The following L2HGDH variants were observed in gnomAD, a reference collection of about 807,000 sequenced individuals.
The protein encoded by L2HGDH is L-2-hydroxyglutarate dehydrogenase.
A neutral mutation model predicts 51.5 loss-of-function variants in L2HGDH; 34 were observed. That is an observed-to-expected ratio of 0.66 (90% confidence interval 0.50 to 0.88). L2HGDH has a LOEUF of 0.88. L2HGDH is among the 40% of genes least tolerant of loss of function. The probability of loss-of-function intolerance (pLI) is 0.00; values close to 1 mark genes in which losing one functional copy is unlikely to be tolerated. For missense variants in L2HGDH, 558 were observed against 571.9 expected, an observed-to-expected ratio of 0.98 and a Z score of 0.25; for synonymous variants, 198 against 197.9, an observed-to-expected ratio of 1.00 and a Z score of -0.01.
chr14:50,265,885 G>T (rs1195674288), intron 8 of L2HGDH, among the ~76,000 whole-genome samples: 1 of 152,178 alleles, frequency 6.6e-6, no homozygotes, highest in African/African-American at 2.4e-5. Flanking sequence ...CTGCACTCCA[G>T]CCTGGGCGAC....
At chr14:50,286,156 A>T (rs1890551900) in intron 4 of L2HGDH, among the ~76,000 whole-genome samples, 1 of 152,118 alleles carries the variant, frequency 6.6e-6, no homozygotes, top group Non-Finnish European at 1.5e-5. Flanking sequence ...GGACAGGGAA[A>T]ATTGAGAGTA....
At chr14:50,306,291 C>T (rs983083476) in intron 1 of L2HGDH, among the ~76,000 whole-genome samples, 6 of 152,096 alleles carry the variant, frequency 3.9e-5, no homozygotes, top group East Asian at 1.9e-4. Context: ...CCTCGTGATC[C>T]GCCCACCTCA....
At chr14:50,255,542 A>AG (rs1174733511) in intron 9 of L2HGDH, among the ~76,000 whole-genome samples, 1 of 150,510 alleles carries the variant, frequency 6.6e-6, no homozygotes, top group Admixed American at 6.6e-5. Flanking sequence ...ATCTCCAAAA[A>AG]AAAAAAAAAA....
intron 1 of L2HGDH, among the ~76,000 whole-genome samples, chr14:50,305,173 G>A (rs532917538): frequency 4.6e-5 from 7 of 152,154 alleles, no homozygotes; most frequent in Admixed American, 4.6e-4. Context: ...AGTGGATAAA[G>A]TTCCCTCTGT....
At chr14:50,298,636 C>A (rs1328026069) in intron 3 of L2HGDH, among the ~76,000 whole-genome samples, 1 of 152,096 alleles carries the variant, frequency 6.6e-6, no homozygotes, top group African/African-American at 2.4e-5. Flanking sequence ...CTGCAGTGAT[C>A]TGTGAGATAG....
At position 50,265,428 on chromosome 14, in the gene L2HGDH, A is replaced by G. The variant is rs764123304; in HGVS notation, c.1126T>C (p.Cys376Arg). ...TACTTCACTGTTGCACCAAGAAAAC[A>G]TGCTTTATACATTTCAGTAACTCCA... ...SYGVTEMYKA[C>R]FLGATVKYLQ... Residue 376 changes from cysteine (C) to arginine (R), a missense_variant, in exon 9 of 10, where the codon TGT (cysteine) becomes CGT (arginine). Physicochemically the swap from Cys to Arg is radical, Grantham distance 180. This residue lies in a region of L2HGDH where 321 missense variants were observed against 311.8 expected (regional missense o/e 1.03). Transcript: ENST00000267436. 6 of 1,612,752 alleles carry G rather than the reference A, an allele frequency of 3.7e-6. No individual in the cohort carries two copies. The South Asian group carries it at 6.6e-5, about 18-fold the overall frequency.
At chr14:50,265,586 A>G (rs1240392106) in intron 8 of L2HGDH, 97 bp from the exon 9 acceptor site, 1 of 1,139,058 alleles carries the variant, frequency 8.8e-7, no homozygotes, top group African/African-American at 1.6e-5. Context: ...TGTCATCACA[A>G]AAATCTAGGC....
At chr14:50,279,054 G>A (rs1017227001) in intron 5 of L2HGDH, among the ~76,000 whole-genome samples, 12 of 152,112 alleles carry the variant, frequency 7.9e-5, no homozygotes, top group Admixed American at 5.2e-4. Context: ...AGATACATGG[G>A]ATCTCAAAGT....
chr14:50,244,737 C>A lies in L2HGDH; in HGVS notation c.*2321G>T. On this transcript the variant is annotated 3_prime_UTR_variant, in exon 10 of 10. Transcript: ENST00000267436. ...GATGAGGTAGCTCAATCAATGTAAT[C>A]ATCAATGCTTGAAGTGAGGGGAAAA... 1 of 985,390 alleles carries A rather than the reference C, an allele frequency of 1.0e-6. No individual in the cohort carries two copies. Among genetic ancestry groups the A allele is most frequent in the Non-Finnish European group, 1.2e-6 (1 of 829,924 alleles). The allele number at this position is 985,390 out of a possible 1,614,324, so 61.0% of individuals were successfully genotyped here.
At chr14:50,264,748 G>A (rs1889239870) in intron 9 of L2HGDH, among the ~76,000 whole-genome samples, 1 of 152,132 alleles carries the variant, frequency 6.6e-6, no homozygotes, top group South Asian at 2.1e-4. Flanking sequence ...GAGGGAGGAA[G>A]GAGAGAAGCA....
At chr14:50,298,303 G>C (rs1205135728) in intron 3 of L2HGDH, among the ~76,000 whole-genome samples, 1 of 151,170 alleles carries the variant, frequency 6.6e-6, no homozygotes, top group Non-Finnish European at 1.5e-5. Context: ...CATTACTCCA[G>C]AGGTTGAGGT....
At chr14:50,274,858 A>G (rs1889887481) in intron 6 of L2HGDH, among the ~76,000 whole-genome samples, 1 of 151,996 alleles carries the variant, frequency 6.6e-6, no homozygotes. Context: ...GCTAAGTGAA[A>G]TAAGCCAGAC....
chr14:50,308,388 GAAAA>G (rs71118865), intron 1 of L2HGDH, among the ~76,000 whole-genome samples: 47,948 of 131,418 alleles, frequency 0.36, 7,826 homozygotes, highest in East Asian at 0.69. Context: ...CTCCATCTCA[GAAAA>G]AAAAAAAAAA....
intron 4 of L2HGDH, among the ~76,000 whole-genome samples, chr14:50,291,197 C>CAAAAAAAAAAAA (rs1159640500): frequency 2.0e-4 from 6 of 30,648 alleles, no homozygotes; most frequent in African/African-American, 3.4e-4. Context: ...GACTCCGTCT[C>CAAAAAAAAAAAA]AAAAAAAAAA....
intron 3 of L2HGDH, among the ~76,000 whole-genome samples, chr14:50,296,621 G>C (rs2030074972): frequency 7.3e-6 from 1 of 136,892 alleles, no homozygotes; most frequent in Non-Finnish European, 1.6e-5. Context: ...CCCAGGCCCA[G>C]AGGCTTTATT....
chr14:50,276,896 G>T (rs1890006148), intron 6 of L2HGDH, among the ~76,000 whole-genome samples: 1 of 152,096 alleles, frequency 6.6e-6, no homozygotes, highest in African/African-American at 2.4e-5. Flanking sequence ...ACATTTCTTT[G>T]TTTTGGAGGC....
intron 9 of L2HGDH, among the ~76,000 whole-genome samples, chr14:50,261,858 T>C (rs1276365641): frequency 6.6e-6 from 1 of 152,118 alleles, no homozygotes; most frequent in African/African-American, 2.4e-5. Context: ...ATTTAACAGA[T>C]TGTAACTTTA....
chr14:50,273,402 T>C (rs1889805430), intron 6 of L2HGDH, among the ~76,000 whole-genome samples: 1 of 152,174 alleles, frequency 6.6e-6, no homozygotes, highest in South Asian at 2.1e-4. Context: ...GATAGCCCCA[T>C]GCAAAAGAAT....
chr14:50,302,138 A>G lies in L2HGDH; in HGVS notation c.287T>C (p.Val96Ala), dbSNP rs2030448468. 6.2e-7 allele frequency: 1 copy of G among 1,614,034 alleles called. No homozygotes were observed. Among genetic ancestry groups the G allele is most frequent in the African/African-American group, 1.3e-5 (1 of 74,918 alleles). The change falls in exon 3 of 10, where the codon GTC becomes GCC. Residue 96 changes from valine (V) to alanine (A), a missense_variant. Transcript: ENST00000267436. ...TTTATAATAAATTCCACTATGTATG[A>G]CACCACTGTTATGTCCAGTCTGGTG... ...AVHQTGHNSG[V>A]IHSGIYYKPE...
Sources: gnomAD v4.1 joint callset for allele counts (sites outside exome capture counted in the v4.1 genomes callset) on GRCh38, gnomAD v4.1.1 for gene constraint, gnomAD v4.1.1 regional missense constraint, MANE v1.5 for transcripts, NCBI Gene and HGNC (gene_info 2026-07-23, HGNC 2026-07-21) for gene names.